LPCAT1: variants seen among roughly 807,000 people sequenced by gnomAD.
LPCAT1 encodes the protein lysophosphatidylcholine acyltransferase 1.
A neutral mutation model predicts 60.9 loss-of-function variants in LPCAT1; 23 were observed. The observed-to-expected ratio is 0.38, with a 90% CI of 0.27 to 0.53. The LOEUF is 0.53. LPCAT1 is among the 20% of genes least tolerant of loss of function. LPCAT1 has a pLI of 0.82. For missense variants in LPCAT1, 622 were observed against 723.6 expected (o/e 0.86, Z 1.61); for synonymous variants, 340 against 301.1 (o/e 1.13, Z -1.34).
At chr5:1,508,748 CA>C (rs1319233369) in intron 1 of LPCAT1, among the ~76,000 whole-genome samples, 1 of 152,232 alleles carries the variant, frequency 6.6e-6, no homozygotes. Flanking sequence ...CAAGGCCATC[CA>C]AATGTTGGCC....
Position 1,521,231 on chromosome 5 carries a change from G to T in LPCAT1, c.135+2479C>A. 1.6e-6 allele frequency: 1 copy of T among 627,292 alleles called. No homozygotes were observed. Among genetic ancestry groups the T allele is most frequent in the Non-Finnish European group, 2.0e-6 (1 of 503,058 alleles). 38.9% of individuals were successfully genotyped at this position (627,292 alleles called of 1,614,324 possible). On this transcript the variant is annotated intron_variant, in intron 1 of 13. Coordinates refer to ENST00000283415, the MANE Select transcript of LPCAT1 (RefSeq NM_024830.5). The surrounding 1 kb of genome is among the most constrained non-coding windows in gnomAD (Gnocchi z 4.3). ...ACTTAAGCTCCTCACTAAATCTGTA[G>T]TTAAATGACAGATGGGCTGGCTGGA... is the stretch of plus-strand genomic sequence containing the variant.
intron 13 of LPCAT1, among the ~76,000 whole-genome samples, chr5:1,464,987 G>C (rs1198280994): frequency 6.8e-6 from 1 of 147,768 alleles, no homozygotes; most frequent in East Asian, 2.0e-4. Context: ...TACAAAACAA[G>C]TGCAGGCACA....
intron 12 of LPCAT1, among the ~76,000 whole-genome samples, chr5:1,469,540 G>T (rs527686868): frequency 1.3e-4 from 20 of 152,366 alleles, no homozygotes; most frequent in African/African-American, 4.3e-4. Context: ...ACTTTGGGAT[G>T]CTGAGGTGGG....
At position 1,494,780 on chromosome 5, in the gene LPCAT1, T is replaced by C. The variant is rs560716607; in HGVS notation, c.413A>G (p.Tyr138Cys). 1 of 1,614,144 alleles carries C rather than the reference T, an allele frequency of 6.2e-7. No homozygotes were observed. Among genetic ancestry groups the C allele is most frequent in the Admixed American group, 1.7e-5 (1 of 60,028 alleles). ...CATGGTCACAGGGATGGCGTCGAAG[T>C]AGGACGAGTGAGGCGCGAGCGTGAG... Reference protein sequence around the residue: ...AILTLAPHSSYFDAIPVTMTM... With the variant: ...AILTLAPHSSCFDAIPVTMTM... Residue 138 changes from tyrosine (Y) to cysteine (C), a missense_variant, in exon 3 of 14, where the codon TAC becomes TGC. Tyr to Cys is a radical substitution (Grantham distance 194). Coordinates refer to ENST00000283415, the MANE Select transcript of LPCAT1 (RefSeq NM_024830.5).
chr5:1,514,051 G>A (rs924579912), intron 1 of LPCAT1, among the ~76,000 whole-genome samples: 6 of 152,256 alleles, frequency 3.9e-5, no homozygotes, highest in Admixed American at 3.3e-4. Context: ...CTGGAGGTGG[G>A]AGTCCCAGGA....
chr5:1,484,111 C>T (rs1205782353), intron 5 of LPCAT1, among the ~76,000 whole-genome samples: 1 of 152,246 alleles, frequency 6.6e-6, no homozygotes, highest in African/African-American at 2.4e-5. Context: ...GATTTGGTCA[C>T]AGCTGCAGCA....
At chr5:1,479,201 G>A (rs141320098) in intron 8 of LPCAT1, among the ~76,000 whole-genome samples, 72 of 152,282 alleles carry the variant, frequency 4.7e-4, no homozygotes, top group African/African-American at 1.5e-3. Context: ...TTTGAGACCA[G>A]CCTAGGCAAC....
At chr5:1,499,773 C>T (rs762686681) in intron 2 of LPCAT1, among the ~76,000 whole-genome samples, 51 of 152,338 alleles carry the variant, frequency 3.3e-4, no homozygotes, top group African/African-American at 5.5e-4. Context: ...CGCAACGGTG[C>T]GGCAAACCCG....
intron 3 of LPCAT1, among the ~76,000 whole-genome samples, chr5:1,491,242 G>A (rs80127750): frequency 1.5e-3 from 228 of 152,266 alleles, no homozygotes; most frequent in Middle Eastern, 0.01. Flanking sequence ...TGGCGGAGTC[G>A]TCTCGCAGGA....
intron 3 of LPCAT1, among the ~76,000 whole-genome samples, chr5:1,493,020 T>C (rs1203508778): frequency 1.3e-5 from 2 of 152,142 alleles, no homozygotes; most frequent in Admixed American, 1.3e-4. Flanking sequence ...GGGTGCTGAG[T>C]GGAGCTGGGG....
At chr5:1,517,664 A>G (rs1157704698) in intron 1 of LPCAT1, among the ~76,000 whole-genome samples, 7 of 147,330 alleles carry the variant, frequency 4.8e-5, no homozygotes, top group Admixed American at 4.7e-4. Flanking sequence ...CGAGAAATAG[A>G]TAATTCAACT....
chr5:1,461,848 T>C lies in LPCAT1; in HGVS notation c.*1803A>G, dbSNP rs1170960572. The C allele has an allele frequency of 2.0e-5, 3 of 152,640 alleles. No homozygotes were observed. The highest frequency in any genetic ancestry group is 4.4e-5 in the Non-Finnish European group (3 of 68,042). The allele number at this position is 152,640 out of a possible 1,614,324, so 9.5% of individuals were successfully genotyped here. A position where few individuals can be genotyped will look rare whatever the true frequency, so the allele number is the denominator to read the frequency against. ...TATCTTAGTTTATTTACCTCCTTCA[T>C]TGGCCATTTGCAGGCTCTTCTCCTT... On this transcript the variant is annotated 3_prime_UTR_variant, in exon 14 of 14. Transcript: ENST00000283415.
rs936641873 is a variant in LPCAT1 at position 1,481,771 on chromosome 5, T to G, written c.727-795A>C. ...CCGCAGCGGAGGCAGGAAGGGGCCC[T>G]TGGCCAGGAGCCTGGCTGACAAACG... On this transcript the variant is annotated intron_variant, in intron 6 of 13. Transcript: ENST00000283415. This position sits in a 1 kb window ranked among gnomAD's most constrained non-coding sequence, Gnocchi z 7.8. Among the ~76,000 whole-genome samples the G allele has an allele frequency of 1.4e-4, 22 of 152,264 alleles. No individual in the cohort carries two copies. The highest frequency in any genetic ancestry group is 3.2e-4 in the Non-Finnish European group (22 of 68,048).
At position 1,463,447 on chromosome 5, in the gene LPCAT1, C is replaced by T. The variant is rs1376933688; in HGVS notation, c.*204G>A. 3 of 618,438 alleles carry T rather than the reference C, an allele frequency of 4.9e-6. No individual in the cohort carries two copies. The highest frequency in any genetic ancestry group is 8.1e-6 in the Non-Finnish European group (3 of 368,264). The allele number at this position is 618,438 out of a possible 1,614,324, so 38.3% of individuals were successfully genotyped here. A position where few individuals can be genotyped will look rare whatever the true frequency, so the allele number is the denominator to read the frequency against. ...GCGGGGGATCCGCGTGCGCGCCCTC[C>T]GATTCTCGCACAGTAAGCGTCGGTT... On this transcript the variant is annotated 3_prime_UTR_variant, in exon 14 of 14. Coordinates refer to ENST00000283415, the MANE Select transcript of LPCAT1 (RefSeq NM_024830.5).
Position 1,495,024 on chromosome 5 carries a change from C to T in LPCAT1, c.279-110G>A, listed in dbSNP as rs1350752138. The T allele has an allele frequency of 4.7e-5, 48 of 1,030,434 alleles. No individual in the cohort carries two copies. The East Asian group carries it at 6.9e-4, about 15-fold the overall frequency. 63.8% of individuals were successfully genotyped at this position (1,030,434 alleles called of 1,614,324 possible). A position where few individuals can be genotyped will look rare whatever the true frequency, so the allele number is the denominator to read the frequency against. On this transcript the variant is annotated intron_variant, in intron 2 of 13. Transcript: ENST00000283415. This position sits in a 1 kb window ranked among gnomAD's most constrained non-coding sequence, Gnocchi z 4.7. ...GCCCTCCAGGGCGCAGTCCAGGCCA[C>T]GGGCTTCCTGTGGTCGCCGCCGCTG...
chr5:1,497,853 TCTGAAC>T (rs939332698), intron 2 of LPCAT1, among the ~76,000 whole-genome samples: 43 of 152,282 alleles, frequency 2.8e-4, no homozygotes, highest in African/African-American at 8.9e-4. Context: ...GCACCATCCA[TCTGAAC>T]CATCCGGTCA....
At chr5:1,473,565 C>T (rs1734776129) in intron 11 of LPCAT1, among the ~76,000 whole-genome samples, 1 of 152,210 alleles carries the variant, frequency 6.6e-6, no homozygotes, top group South Asian at 2.1e-4. Flanking sequence ...GGCGGGGAGC[C>T]TCTAAGCCGA....
chr5:1,496,971 C>T lies in LPCAT1; in HGVS notation c.279-2057G>A, dbSNP rs1183812588. Among the ~76,000 whole-genome samples, 1 of 152,244 alleles carries T rather than the reference C, an allele frequency of 6.6e-6. No individual in the cohort carries two copies. Among genetic ancestry groups the T allele is most frequent in the East Asian group, 1.9e-4 (1 of 5,176 alleles). ...AGGAGCGGGGATCTCCATCAGCACC[C>T]CCAGGAAATCCACTCCGTCCTACCG... On this transcript the variant is annotated intron_variant, in intron 2 of 13. Transcript: ENST00000283415. This position sits in a 1 kb window ranked among gnomAD's most constrained non-coding sequence, Gnocchi z 4.7.
At chr5:1,520,876 A>AAAAG (rs1736653552) in intron 1 of LPCAT1, among the ~76,000 whole-genome samples, 2 of 149,334 alleles carry the variant, frequency 1.3e-5, no homozygotes, top group African/African-American at 5.0e-5. Context: ...AAAAAAAAAA[A>AAAAG]AAAGAAAAAG....
Sources: allele counts gnomAD v4.1 joint callset (sites outside exome capture counted in the v4.1 genomes callset), GRCh38; gene constraint gnomAD v4.1.1; non-coding constraint Gnocchi (gnomAD v3.1); transcripts MANE v1.5; gene names NCBI Gene and HGNC (gene_info 2026-07-23, HGNC 2026-07-21).